ADGRB1: variants seen among roughly 807,000 people sequenced by gnomAD.
The protein encoded by ADGRB1 is brain-specific angiogenesis inhibitor 1.
A neutral mutation model predicts 175.7 loss-of-function variants in ADGRB1; 36 were observed. The observed-to-expected ratio is 0.20, with a 90% CI of 0.16 to 0.27. The LOEUF (loss-of-function observed/expected upper bound fraction) is 0.27, where lower values mean the gene tolerates loss of function less well. ADGRB1 is among the 10% of genes least tolerant of loss of function. ADGRB1 has a pLI of 1.00. For synonymous variants in ADGRB1, 1,054 were observed against 979.4 expected (o/e 1.08, Z -1.42); for missense variants, 1,731 against 2,255.3 (o/e 0.77, Z 4.71).
At chr8:142,533,999 AGG>A (rs1215182802) in intron 25 of ADGRB1, among the ~76,000 whole-genome samples, 1 of 152,210 alleles carries the variant, frequency 6.6e-6, no homozygotes, top group African/African-American at 2.4e-5. Flanking sequence ...CAGCGCCAGG[AGG>A]GCGGAAGGCC....
intron 2 of ADGRB1, among the ~76,000 whole-genome samples, chr8:142,473,397 C>T (rs189468337): frequency 9.7e-4 from 148 of 152,340 alleles, no homozygotes; most frequent in African/African-American, 3.3e-3. Flanking sequence ...ACCTGGGCCC[C>T]AGACAGTCCT....
At chr8:142,457,081 G>A (rs1004416156) in intron 1 of ADGRB1, among the ~76,000 whole-genome samples, 1 of 152,186 alleles carries the variant, frequency 6.6e-6, no homozygotes, top group African/African-American at 2.4e-5. Flanking sequence ...TTGGGGTGAT[G>A]AGCCCTAGAC....
chr8:142,542,731 C>T lies in ADGRB1; in HGVS notation c.4413+84C>T, dbSNP rs1845355789. ...GGTCACCCCTGCTGGGTGGGACCCC[C>T]ACGCCGTCAGCGGGGCGGGCTGGCT... is the stretch of plus-strand genomic sequence containing the variant. On this transcript the variant is annotated intron_variant, in intron 28 of 30. Coordinates refer to ENST00000517894, the MANE Select transcript of ADGRB1 (RefSeq NM_001702.3). This position sits in a 1 kb window ranked among gnomAD's most constrained non-coding sequence, Gnocchi z 6.3. 2 of 1,289,424 alleles carry T rather than the reference C, an allele frequency of 1.6e-6. No homozygotes were observed. The highest frequency in any genetic ancestry group is 3.1e-5 in the African/African-American group (2 of 64,216). 79.9% of individuals were successfully genotyped at this position (1,289,424 alleles called of 1,614,324 possible).
intron 3 of ADGRB1, 94 bp from the exon 4 acceptor site, chr8:142,476,491 G>C (rs1840981435): frequency 8.8e-7 from 1 of 1,131,206 alleles, no homozygotes; most frequent in East Asian, 2.6e-5. Context: ...GGAGCCAGGT[G>C]GCCCAGTGCT....
In ADGRB1 at chr8:142,524,268, C is replaced by G. The variant is rs913961544; in HGVS notation, c.3276C>G (p.Leu1092=). The G allele has an allele frequency of 3.7e-6, 6 of 1,600,520 alleles. No homozygotes were observed. The highest frequency in any genetic ancestry group is 2.2e-5 in the South Asian group (2 of 90,366). The change falls in exon 23 of 31, where the codon CTC becomes CTG. Residue 1092 remains leucine (L), a synonymous_variant. Coordinates refer to ENST00000517894, the MANE Select transcript of ADGRB1 (RefSeq NM_001702.3). ...YCWLSLEGGL[L]YAFVGPAAAV... is the part of the protein sequence containing the mutation. ...GGCTCTCCCTGGAGGGGGGACTGCT[C>G]TATGCCTTCGTGGGACCTGCCGCTG...
At chr8:142,488,635 C>T in intron 14 of ADGRB1, 128 bp downstream of exon 14, 1 of 1,272,544 alleles carries the variant, frequency 7.9e-7, no homozygotes, top group African/African-American at 1.5e-5. Context: ...GTCCTCTTTT[C>T]CAGGAAGCCC....
chr8:142,454,194 A>G (rs1356777803), intron 1 of ADGRB1, among the ~76,000 whole-genome samples: 2 of 152,116 alleles, frequency 1.3e-5, no homozygotes, highest in African/African-American at 4.8e-5. Flanking sequence ...TGCCGCTGCC[A>G]CGCCCACAGC....
At position 142,464,660 on chromosome 8, in the gene ADGRB1, C is replaced by G. The variant is rs1475925948; in HGVS notation, c.462C>G (p.Asp154Glu). ...QMRRQQPPQH[D>E]GLRPRAGPPG... ...GGCGCCAGCAGCCGCCCCAGCACGACGGGCTCCGGCCCCGGGCCGGGCCGC... is the reference window on the plus strand; with the variant it reads ...GGCGCCAGCAGCCGCCCCAGCACGAGGGGCTCCGGCCCCGGGCCGGGCCGC... The change falls in exon 2 of 31, where the codon GAC (aspartate) becomes GAG (glutamate). Residue 154 changes from aspartate to glutamate, a missense_variant. Asp to Glu is a conservative substitution (Grantham distance 45). Coordinates refer to ENST00000517894, the MANE Select transcript of ADGRB1 (RefSeq NM_001702.3). 6.6e-7 allele frequency: 1 copy of G among 1,521,902 alleles called. No homozygotes were observed. Among genetic ancestry groups the G allele is most frequent in the East Asian group, 2.5e-5 (1 of 39,446 alleles). The allele number at this position is 1,521,902 out of a possible 1,614,324, so 94.3% of individuals were successfully genotyped here. A position where few individuals can be genotyped will look rare whatever the true frequency, so the allele number is the denominator to read the frequency against.
chr8:142,542,395 C>T lies in ADGRB1; in HGVS notation c.4161C>T (p.Ser1387=). ...LIHLSTAPEA[S]LPARSPPSRQ... is the part of the protein sequence containing the mutation. ...ACCTCAGCACGGCCCCCGAGGCCAG[C>T]CTCCCCGCCCGCAGCCCGCCCTCCC... Residue 1387 remains serine (S), a synonymous_variant, in exon 28 of 31, where the codon AGC becomes AGT. Transcript: ENST00000517894. This position sits in a 1 kb window ranked among gnomAD's most constrained non-coding sequence, Gnocchi z 6.3. The T allele has an allele frequency of 6.5e-7, 1 of 1,549,914 alleles. No homozygotes were observed.
Position 142,519,761 on chromosome 8 carries a change from CGTG to C in ADGRB1, c.2922-1058_2922-1056del, listed in dbSNP as rs1334328887. On this transcript the variant is annotated intron_variant, in intron 19 of 30. Transcript: ENST00000517894. ...TGGTGGTAGTGATGGTGGTAATGGT[CGTG>C]GTGATGGTAGTGATGGTGATGGTGG... 4.8e-4 allele frequency among the ~76,000 whole-genome samples: 29 copies of C among 60,546 alleles called. 1 individual carries two copies. The highest frequency in any genetic ancestry group is 4.2e-3 in the Admixed American group (26 of 6,216). 39.7% of individuals were successfully genotyped at this position (60,546 alleles called of 152,430 possible).
At chr8:142,539,227 G>A (rs574980117) in intron 26 of ADGRB1, 147 bp from the exon 27 acceptor site, 16 of 725,996 alleles carry the variant, frequency 2.2e-5, no homozygotes, top group African/African-American at 3.6e-5. Flanking sequence ...AGGCATGGTC[G>A]CCCACGTGGG....
chr8:142,543,328 T>A lies in ADGRB1; in HGVS notation c.4414-75T>A, dbSNP rs376779542. On this transcript the variant is annotated intron_variant, in intron 28 of 30. Coordinates refer to ENST00000517894, the MANE Select transcript of ADGRB1 (RefSeq NM_001702.3). The surrounding 1 kb of genome is among the most constrained non-coding windows in gnomAD (Gnocchi z 4.4). ...TGGGGCGAGTGAGTCCCTGATGCCC[T>A]CAGTCTGAGGCAGGGAGAGGCGTGG... is the stretch of plus-strand genomic sequence containing the variant. The A allele has an allele frequency of 2.2e-4, 341 of 1,584,892 alleles. No individual in the cohort carries two copies. In the African/African-American group the frequency reaches 3.7e-3, roughly 17 times the overall value.
intron 2 of ADGRB1, among the ~76,000 whole-genome samples, chr8:142,469,172 CATGTGTGTGA>C (rs1840450445): frequency 8.0e-6 from 1 of 124,696 alleles, no homozygotes; most frequent in African/African-American, 2.9e-5. Flanking sequence ...TGTGTGTGTG[CATGTGTGTGA>C]ATGTGTGCAC....
chr8:142,470,888 T>C (rs952204369), intron 2 of ADGRB1, among the ~76,000 whole-genome samples: 1 of 152,098 alleles, frequency 6.6e-6, no homozygotes, highest in Non-Finnish European at 1.5e-5. Context: ...ACAGTCAGGC[T>C]CAGCCCCAAC....
At chr8:142,462,570 G>C (rs1840026547) in intron 1 of ADGRB1, among the ~76,000 whole-genome samples, 1 of 152,366 alleles carries the variant, frequency 6.6e-6, no homozygotes, top group African/African-American at 2.4e-5. Flanking sequence ...TGCCTACAAG[G>C]CTGTGCAGGA....
intron 13 of ADGRB1, among the ~76,000 whole-genome samples, chr8:142,487,887 G>A (rs1180272757): frequency 6.6e-6 from 1 of 152,202 alleles, no homozygotes; most frequent in Non-Finnish European, 1.5e-5. Context: ...CTGAGGCAGG[G>A]CAGCCCCCAT....
At position 142,499,799 on chromosome 8, in the gene ADGRB1, G is replaced by A. The variant is rs191375452; in HGVS notation, c.2675+8984G>A. On this transcript the variant is annotated intron_variant, in intron 17 of 30. Coordinates refer to ENST00000517894, the MANE Select transcript of ADGRB1 (RefSeq NM_001702.3). ...GGGTAGCGGGGGCGTGCAAGGAGAGGGCCGCCACTTCCTGGGTGCCTGCTC... is the reference window on the plus strand; with the variant it reads ...GGGTAGCGGGGGCGTGCAAGGAGAGAGCCGCCACTTCCTGGGTGCCTGCTC... 4.3e-3 allele frequency among the ~76,000 whole-genome samples: 654 copies of A among 152,312 alleles called. 5 individuals are homozygous for A. Among genetic ancestry groups the A allele is most frequent in the African/African-American group, 0.015 (613 of 41,572 alleles).
At chr8:142,478,829 G>T (rs1563694460) in intron 7 of ADGRB1, among the ~76,000 whole-genome samples, 1 of 148,002 alleles carries the variant, frequency 6.8e-6, no homozygotes, top group Non-Finnish European at 1.5e-5. Context: ...GACTTGGGGT[G>T]TCCATGGGGA....
rs1338397330 is a variant in ADGRB1, at chr8:142,542,319, A to G, written c.4085A>G (p.Glu1362Gly). 1 of 1,612,694 alleles carries G rather than the reference A, an allele frequency of 6.2e-7. No homozygotes were observed. Among genetic ancestry groups the G allele is most frequent in the Admixed American group, 1.7e-5 (1 of 59,948 alleles). Residue 1362 changes from glutamate to glycine, a missense_variant, in exon 28 of 31, where the codon GAG becomes GGG. Coordinates refer to ENST00000517894, the MANE Select transcript of ADGRB1 (RefSeq NM_001702.3). The surrounding 1 kb of genome is among the most constrained non-coding windows in gnomAD (Gnocchi z 6.3). ...TATLRPKPKE[E>G]PKYSIHIDQM... ...ACGCTGCGGCCCAAGCCCAAGGAGG[A>G]GCCCAAGTACAGCATCCACATTGAC...
Sources: allele counts gnomAD v4.1 joint callset (sites outside exome capture counted in the v4.1 genomes callset), GRCh38; gene constraint gnomAD v4.1.1; non-coding constraint Gnocchi (gnomAD v3.1); transcripts MANE v1.5; gene names NCBI Gene and HGNC (gene_info 2026-07-23, HGNC 2026-07-21).